The following SYT14 variants were observed in gnomAD, a reference collection of about 807,000 sequenced individuals.
The protein encoded by SYT14 is synaptotagmin-14.
Under a neutral mutation model 74.2 loss-of-function variants are expected in SYT14, and 32 were observed. The observed-to-expected ratio is 0.43, with a 90% CI of 0.33 to 0.58. The LOEUF (loss-of-function observed/expected upper bound fraction) is 0.58. SYT14 is among the 20% of genes least tolerant of loss of function. The pLI is 0.05. For missense variants in SYT14, 791 were observed against 981.8 expected (o/e 0.81, Z 2.60); for synonymous variants, 298 against 337.7 (o/e 0.88, Z 1.29).
chr1:210,016,324 A>G, exon 4 of SYT14: 1 of 1,232,156 alleles, frequency 8.1e-7, no homozygotes, highest in Non-Finnish European at 1.0e-6. Flanking sequence ...AAACTTCACT[A>G]AAGCAAGATC....
At chr1:210,098,089 C>G (rs1411771896) in intron 6 of SYT14, among the ~76,000 whole-genome samples, 1 of 151,656 alleles carries the variant, frequency 6.6e-6, no homozygotes, top group Non-Finnish European at 1.5e-5. Flanking sequence ...GCAGGAGGAT[C>G]ACTTGAGCAT....
chr1:210,084,141 G>A (rs2081671954), intron 5 of SYT14, among the ~76,000 whole-genome samples: 1 of 152,138 alleles, frequency 6.6e-6, no homozygotes, highest in Non-Finnish European at 1.5e-5. Context: ...AAGGTCAGGC[G>A]TAGAGCCTCC....
intron 5 of SYT14, among the ~76,000 whole-genome samples, chr1:210,066,299 C>T (rs537961662): frequency 6.6e-6 from 1 of 152,006 alleles, no homozygotes; most frequent in Admixed American, 6.5e-5. Context: ...GAGGAATCGC[C>T]ACACTGACTT....
chr1:210,146,007 A>G (rs1423983069), intron 7 of SYT14, among the ~76,000 whole-genome samples: 1 of 152,112 alleles, frequency 6.6e-6, no homozygotes, highest in African/African-American at 2.4e-5. Context: ...CTAAATAACA[A>G]CTTTATTTCT....
At chr1:210,058,494 C>A (rs984292087) in intron 5 of SYT14, among the ~76,000 whole-genome samples, 1 of 152,158 alleles carries the variant, frequency 6.6e-6, no homozygotes, top group South Asian at 2.1e-4. Flanking sequence ...AGGCAACCAG[C>A]AAACCAGGGA....
intron 7 of SYT14, among the ~76,000 whole-genome samples, chr1:210,134,299 G>A (rs747189401): frequency 6.6e-6 from 1 of 151,904 alleles, no homozygotes; most frequent in Non-Finnish European, 1.5e-5. Flanking sequence ...AGAGACAGGA[G>A]TCTCACTATG....
intron 2 of SYT14, among the ~76,000 whole-genome samples, chr1:209,973,829 A>G (rs2079304619): frequency 6.6e-6 from 1 of 152,218 alleles, no homozygotes; most frequent in Admixed American, 6.5e-5. Flanking sequence ...TCCCACCAAC[A>G]GTGTAAAAGT....
intron 5 of SYT14, among the ~76,000 whole-genome samples, chr1:210,082,907 T>C (rs978298231): frequency 6.6e-6 from 1 of 152,214 alleles, no homozygotes; most frequent in Non-Finnish European, 1.5e-5. Context: ...GAAATAGATG[T>C]ACTGAATAAG....
chr1:210,017,308 G>A (rs11119393), intron 4 of SYT14, among the ~76,000 whole-genome samples: 24,879 of 152,002 alleles, frequency 0.16, 6,480 homozygotes, highest in African/African-American at 0.55. Flanking sequence ...GTCCCACTAA[G>A]TATTGCCCCT....
At chr1:210,169,221 G>GTTTTGTTTTTTTTTTTTTTTTTT (rs2083492384) in exon 10 of SYT14, 1 of 50,248 alleles carries the variant, frequency 2.0e-5, no homozygotes, top group Non-Finnish European at 3.8e-5. Flanking sequence ...TGTTTTTGGT[G>GTTTTGTTTTTTTTTTTTTTTTTT]TTTTTTTTTT....
intron 7 of SYT14, among the ~76,000 whole-genome samples, chr1:210,113,541 A>G (rs1410649977): frequency 4.6e-5 from 7 of 151,228 alleles, no homozygotes; most frequent in African/African-American, 9.9e-5. Flanking sequence ...CTTTTAAAGC[A>G]TACTGTGGGA....
At chr1:210,091,038 A>C (rs936794828) in intron 5 of SYT14, among the ~76,000 whole-genome samples, 2 of 152,190 alleles carry the variant, frequency 1.3e-5, no homozygotes, top group African/African-American at 4.8e-5. Context: ...TTATATATTC[A>C]CAGCTTTAAT....
exon 5 of SYT14, chr1:210,021,095 G>T: frequency 6.2e-7 from 1 of 1,613,962 alleles, no homozygotes; most frequent in African/African-American, 1.3e-5. Context: ...TGAAGATGAA[G>T]CGCTGGGTAA....
chr1:210,021,076 C>G, exon 5 of SYT14: 1 of 1,613,878 alleles, frequency 6.2e-7, no homozygotes, highest in South Asian at 1.1e-5. Flanking sequence ...ATGGTTCATC[C>G]TCTGAAAGTG....
intron 7 of SYT14, among the ~76,000 whole-genome samples, chr1:210,131,513 T>C (rs528417262): frequency 3.9e-5 from 6 of 151,902 alleles, no homozygotes; most frequent in East Asian, 1.9e-4. Context: ...GCAAGACTTA[T>C]GGAAAATTAT....
At chr1:210,077,642 C>T (rs1489721926) in intron 5 of SYT14, among the ~76,000 whole-genome samples, 1 of 152,116 alleles carries the variant, frequency 6.6e-6, no homozygotes, top group Non-Finnish European at 1.5e-5. Flanking sequence ...CATATTGTAA[C>T]TCTGTTTTTA....
At chr1:210,048,481 T>C (rs1486611874) in intron 5 of SYT14, among the ~76,000 whole-genome samples, 1 of 152,170 alleles carries the variant, frequency 6.6e-6, no homozygotes, top group Non-Finnish European at 1.5e-5. Context: ...AAAGTCCCCC[T>C]TTTAAAACCA....
rs17188183 is a variant in SYT14 at position 210,160,736 on chromosome 1, T to C, written c.2289T>C (p.Tyr763=). Residue 763 remains tyrosine, a synonymous_variant, in exon 10 of 10, where the codon TAT becomes TAC. Transcript: ENST00000637265. ...TGTCTTTTTCTTCTTTAGATACATA[T>C]GTTAAGTTAACTCTACTGAATTCCA... The C allele has an allele frequency of 0.13, 203,731 of 1,613,152 alleles. 14,130 individuals carry two copies. The highest frequency in any genetic ancestry group is 0.14 in the Non-Finnish European group (161,095 of 1,179,300).
exon 10 of SYT14, chr1:210,162,665 C>T (rs1357893504): frequency 2.2e-6 from 1 of 445,450 alleles, no homozygotes; most frequent in South Asian, 1.6e-5. Flanking sequence ...TAAACTAGAA[C>T]TTGTTATTAC....
Sources: gnomAD v4.1 joint callset for allele counts (sites outside exome capture counted in the v4.1 genomes callset) on GRCh38, gnomAD v4.1.1 for gene constraint, MANE v1.5 for transcripts, NCBI Gene and HGNC (gene_info 2026-07-23, HGNC 2026-07-21) for gene names.